NRP2: variants seen among roughly 807,000 people sequenced by gnomAD.
NRP2 encodes the protein neuropilin 2.
A neutral mutation model predicts 110.4 loss-of-function variants in NRP2; 52 were observed. The observed-to-expected ratio is 0.47, with a 90% CI of 0.38 to 0.59. The LOEUF is 0.59. Among genes scored for constraint, NRP2 ranks in the 20% least tolerant of loss-of-function variants. The pLI, the probability that NRP2 is intolerant of heterozygous loss-of-function variation, is 0.00. For missense variants in NRP2, 1,049 were observed against 1,203.0 expected (o/e 0.87, Z 1.89); for synonymous variants, 508 against 468.9 (o/e 1.08, Z -1.08).
At chr2:205,761,633 C>A (rs990403477) in intron 12 of NRP2, 4 of 152,200 alleles carry the variant, frequency 2.6e-5, no homozygotes, top group Non-Finnish European at 4.4e-5. Flanking sequence ...GGAGAAAAAG[C>A]AGCAACGGGC....
chr2:205,795,181 A>C lies in NRP2; in HGVS notation c.*123A>C. 3.0e-6 allele frequency: 3 copies of C among 984,668 alleles called. No individual in the cohort carries two copies. The highest frequency in any genetic ancestry group is 4.7e-6 in the Non-Finnish European group (3 of 642,940). 61.0% of individuals were successfully genotyped at this position (984,668 alleles called of 1,614,324 possible). On this transcript the variant is annotated 3_prime_UTR_variant, in exon 17 of 17. Coordinates refer to ENST00000357785, the MANE Select transcript of NRP2 (RefSeq NM_003872.3). ...CGATCAAACCGATCCAGAATACCGA[A>C]GGTATGGACAGGACAGAAAAGCGAG...
rs1436398707 is a variant in NRP2 at position 205,728,165 on chromosome 2, T to C, written c.1146+119T>C. On this transcript the variant is annotated intron_variant, in intron 7 of 16. Transcript: ENST00000357785. ...GCCTTGTGTAGTCAGGCTCAGATAA[T>C]TGATGGAGGCAAGGGTCGTGCTGGC... 22 of 1,192,042 alleles carry C rather than the reference T, an allele frequency of 1.8e-5. No individual in the cohort carries two copies. In the East Asian group the frequency reaches 2.3e-4, roughly 13 times the overall value. The allele number at this position is 1,192,042 out of a possible 1,614,324, so 73.8% of individuals were successfully genotyped here.
At chr2:205,740,692 G>T in intron 8 of NRP2, 29 bp downstream of exon 8, 1 of 1,613,152 alleles carries the variant, frequency 6.2e-7, no homozygotes, top group South Asian at 1.1e-5. Context: ...TGAGGTTGGG[G>T]TGCTGATTGA....
At chr2:205,759,093 A>T (rs1428768622) in intron 12 of NRP2, among the ~76,000 whole-genome samples, 1 of 152,182 alleles carries the variant, frequency 6.6e-6, no homozygotes, top group Non-Finnish European at 1.5e-5. Context: ...GCCATGACTT[A>T]AAAGAGCTGA....
intron 15 of NRP2, chr2:205,779,226 C>T (rs906412393): frequency 2.6e-5 from 4 of 152,198 alleles, no homozygotes; most frequent in Admixed American, 6.5e-5. Context: ...TATGTCAACA[C>T]CTTCAGGAGG....
At chr2:205,793,099 C>T (rs113599862) in intron 16 of NRP2, among the ~76,000 whole-genome samples, 67 of 152,298 alleles carry the variant, frequency 4.4e-4, no homozygotes, top group Non-Finnish European at 8.5e-4. Flanking sequence ...ACCCAAACAG[C>T]ACCTTGTTAA....
At chr2:205,782,081 T>C (rs1166153332) in intron 15 of NRP2, among the ~76,000 whole-genome samples, 1 of 151,424 alleles carries the variant, frequency 6.6e-6, no homozygotes, top group African/African-American at 2.4e-5. Flanking sequence ...TTATTTAGCA[T>C]GGTATGGAAC....
At chr2:205,733,697 G>A (rs1160911695) in intron 7 of NRP2, among the ~76,000 whole-genome samples, 1 of 151,956 alleles carries the variant, frequency 6.6e-6, no homozygotes, top group African/African-American at 2.4e-5. Context: ...GTCCTAGAAT[G>A]TCCGAGTTTC....
rs955665639 is a variant in NRP2, at chr2:205,795,231, C to T, written c.*173C>T. On this transcript the variant is annotated 3_prime_UTR_variant, in exon 17 of 17. Transcript: ENST00000357785. Reference sequence around the variant, plus strand: ...GTCGCAGGAGGAAGGGAGATGCAGCCGCACAGGGGATGATTACCCTCCTAG... The same window carrying T: ...GTCGCAGGAGGAAGGGAGATGCAGCTGCACAGGGGATGATTACCCTCCTAG... The T allele has an allele frequency of 4.4e-5, 32 of 721,942 alleles. No individual in the cohort carries two copies. Among genetic ancestry groups the T allele is most frequent in the Middle Eastern group, 3.7e-4 (1 of 2,682 alleles). 44.7% of individuals were successfully genotyped at this position (721,942 alleles called of 1,614,324 possible).
At chr2:205,749,099 G>A (rs1440072246) in intron 10 of NRP2, among the ~76,000 whole-genome samples, 1 of 152,156 alleles carries the variant, frequency 6.6e-6, no homozygotes, top group African/African-American at 2.4e-5. Context: ...GGCCACACTG[G>A]GCCACCTCCC....
At chr2:205,708,539 C>G (rs751254275) in intron 2 of NRP2, among the ~76,000 whole-genome samples, 1 of 152,196 alleles carries the variant, frequency 6.6e-6, no homozygotes, top group Non-Finnish European at 1.5e-5. Context: ...TCCTTCCTCA[C>G]GTCAGGAGGC....
At chr2:205,719,473 C>CAA (rs57461603) in intron 3 of NRP2, among the ~76,000 whole-genome samples, 60 of 93,416 alleles carry the variant, frequency 6.4e-4, no homozygotes, top group African/African-American at 1.7e-3. Context: ...AGAACAGAAA[C>CAA]AAAAAAAAAA....
Position 205,794,782 on chromosome 2 carries a change from T to C in NRP2, c.2505T>C (p.Ser835=). 2 of 1,614,218 alleles carry C rather than the reference T, an allele frequency of 1.2e-6. No individual in the cohort carries two copies. Among genetic ancestry groups the C allele is most frequent in the Non-Finnish European group, 1.7e-6 (2 of 1,180,032 alleles). ...DDEYEVDWSN[S]SSATSGSGAP... Reference sequence around the variant, plus strand: ...AATACGAGGTGGACTGGAGCAATTCTTCTTCTGCAACCTCAGGGTCTGGCG... The same window carrying C: ...AATACGAGGTGGACTGGAGCAATTCCTCTTCTGCAACCTCAGGGTCTGGCG... Residue 835 remains serine, a synonymous_variant, in exon 17 of 17, where the codon TCT becomes TCC. Transcript: ENST00000357785.
At chr2:205,792,403 T>G in intron 16 of NRP2, 118 bp downstream of exon 16, 1 of 738,116 alleles carries the variant, frequency 1.4e-6, no homozygotes. Flanking sequence ...CAGTCAGAAA[T>G]ATATAAAAGA....
At chr2:205,698,271 A>C (rs2056479225) in intron 2 of NRP2, among the ~76,000 whole-genome samples, 1 of 152,128 alleles carries the variant, frequency 6.6e-6, no homozygotes, top group Non-Finnish European at 1.5e-5. Flanking sequence ...GGTTCTTGAT[A>C]GCTGTGCTAC....
chr2:205,770,270 G>A (rs764096682), intron 15 of NRP2, among the ~76,000 whole-genome samples: 8 of 152,086 alleles, frequency 5.3e-5, no homozygotes, highest in Non-Finnish European at 8.8e-5. Context: ...CCCATTTCTC[G>A]GGTCTCCCTA....
chr2:205,715,369 C>T lies in NRP2; in HGVS notation c.252-824C>T, dbSNP rs146897726. On this transcript the variant is annotated intron_variant, in intron 2 of 16. Coordinates refer to ENST00000357785, the MANE Select transcript of NRP2 (RefSeq NM_003872.3). ...TGCTTCAAATGAGCACAGGCCTCCA[C>T]TTCAGGAGGGCAGCCTGCCCTGCCT... 7.0e-3 allele frequency among the ~76,000 whole-genome samples: 1,069 copies of T among 152,342 alleles called. 11 individuals carry two copies. The highest frequency in any genetic ancestry group is 0.024 in the African/African-American group (987 of 41,572).
intron 11 of NRP2, chr2:205,752,608 C>T (rs368370076): frequency 2.5e-5 from 14 of 557,792 alleles, no homozygotes; most frequent in East Asian, 1.3e-4. Context: ...TAATTGCTTA[C>T]TATGGGAACC....
chr2:205,724,917 T>G (rs1283559279), intron 5 of NRP2, among the ~76,000 whole-genome samples: 2 of 152,156 alleles, frequency 1.3e-5, no homozygotes, highest in Admixed American at 6.5e-5. Flanking sequence ...TCTGCCTGCC[T>G]TGGCCTCCCC....
Sources: gnomAD v4.1 joint callset for allele counts (sites outside exome capture counted in the v4.1 genomes callset) on GRCh38, gnomAD v4.1.1 for gene constraint, MANE v1.5 for transcripts, NCBI Gene and HGNC (gene_info 2026-07-23, HGNC 2026-07-21) for gene names.